DCUN1D4: variants seen among roughly 807,000 people sequenced by gnomAD.
DCUN1D4 encodes defective in cullin neddylation 1 domain containing 4, also known as DCN1-like protein 4.
Under a neutral mutation model 47.9 loss-of-function variants are expected in DCUN1D4, and 22 were observed. The ratio of observed to expected loss-of-function variants is 0.46; its 90% CI spans 0.33 to 0.66. DCUN1D4 has a LOEUF of 0.66. Ranked by LOEUF, DCUN1D4 falls within the 30% of genes least tolerant of loss-of-function variation. DCUN1D4 has a pLI of 0.02. For missense variants in DCUN1D4, 301 were observed against 340.8 expected (o/e 0.88, Z 0.92); for synonymous variants, 121 against 112.2 (o/e 1.08, Z -0.50).
At chr4:51,910,523 T>G (rs1390713713) in intron 8 of DCUN1D4, among the ~76,000 whole-genome samples, 1 of 152,128 alleles carries the variant, frequency 6.6e-6, no homozygotes, top group Non-Finnish European at 1.5e-5. Context: ...ATCCTCTGAT[T>G]TAGAGAGACA....
At chr4:51,847,793 A>ACTGTGCT (rs1338820584) in intron 1 of DCUN1D4, among the ~76,000 whole-genome samples, 1 of 151,948 alleles carries the variant, frequency 6.6e-6, no homozygotes, top group Non-Finnish European at 1.5e-5. Context: ...ATTTTTCTTT[A>ACTGTGCT]CTGTGCTCCC....
At chr4:51,876,066 C>G (rs1727623023) in intron 4 of DCUN1D4, among the ~76,000 whole-genome samples, 1 of 151,978 alleles carries the variant, frequency 6.6e-6, no homozygotes, top group African/African-American at 2.4e-5. Flanking sequence ...TAACCATGTA[C>G]TTTTTTTGGT....
chr4:51,891,250 T>C (rs146220127), intron 6 of DCUN1D4, among the ~76,000 whole-genome samples: 271 of 152,372 alleles, frequency 1.8e-3, no homozygotes, highest in Non-Finnish European at 2.4e-3. Context: ...TCTACTTCAT[T>C]CATCTTAGTG....
intron 1 of DCUN1D4, chr4:51,844,833 A>G (rs1465775143): frequency 6.1e-6 from 6 of 984,992 alleles, no homozygotes; most frequent in Non-Finnish European, 7.2e-6. Context: ...CACGTGGGTA[A>G]CTGTGGAAAC....
In DCUN1D4 at chr4:51,911,071, A is replaced by G. The variant is rs781452001; in HGVS notation, c.617A>G (p.Glu206Gly). Residue 206 changes from glutamate to glycine, a missense_variant and splice_region_variant, in exon 9 of 11, where the codon GAA becomes GGA. By Grantham distance (98) the Glu-to-Gly change is moderately conservative (BLOSUM62 -2). This residue lies in a region of DCUN1D4 where 170 missense variants were observed against 234.5 expected (regional missense o/e 0.73). Coordinates refer to ENST00000334635, the MANE Select transcript of DCUN1D4 (RefSeq NM_001040402.3). ...IYRYAFDFAR[E>G]KDQRSLDINT... ...TCCTTGTTTTTGTTTGTTAAACAGG[A>G]AAAGGACCAGCGCAGCCTAGACATA... 6.2e-7 allele frequency: 1 copy of G among 1,613,230 alleles called. No homozygotes were observed. The highest frequency in any genetic ancestry group is 8.5e-7 in the Non-Finnish European group (1 of 1,179,420).
chr4:51,844,247 C>T (rs1051536856), intron 1 of DCUN1D4: 425 of 841,028 alleles, frequency 5.1e-4, no homozygotes, highest in Admixed American at 6.4e-4. Context: ...AGGGGAGGTA[C>T]TTCCTCTCCC....
chr4:51,889,636 CT>C (rs1237152493), intron 6 of DCUN1D4, among the ~76,000 whole-genome samples: 4 of 151,838 alleles, frequency 2.6e-5, no homozygotes, highest in African/African-American at 9.7e-5. Context: ...ATTTTTAAAT[CT>C]TTTTGGTAGA....
intron 7 of DCUN1D4, among the ~76,000 whole-genome samples, chr4:51,894,627 A>C (rs572678808): frequency 1.3e-5 from 2 of 152,326 alleles, no homozygotes; most frequent in Admixed American, 1.3e-4. Flanking sequence ...CACCTAGTAC[A>C]CAAGAAAACC....
chr4:51,884,245 G>C (rs988240586), intron 5 of DCUN1D4: 1 of 152,128 alleles, frequency 6.6e-6, no homozygotes, highest in African/African-American at 2.4e-5. Flanking sequence ...GAAAAATGAC[G>C]TAAGACTTCC....
At chr4:51,856,875 C>T (rs1473609559) in intron 1 of DCUN1D4, among the ~76,000 whole-genome samples, 3 of 152,338 alleles carry the variant, frequency 2.0e-5, no homozygotes, top group African/African-American at 7.2e-5. Flanking sequence ...GAAGATTCCT[C>T]TTTGGAAGCT....
chr4:51,881,462 T>A (rs931652550), intron 5 of DCUN1D4, among the ~76,000 whole-genome samples: 1 of 152,112 alleles, frequency 6.6e-6, no homozygotes, highest in South Asian at 2.1e-4. Flanking sequence ...CATTTGCCTC[T>A]GTGATGTGGT....
At chr4:51,873,094 G>A (rs1219548714) in intron 3 of DCUN1D4, among the ~76,000 whole-genome samples, 1 of 152,166 alleles carries the variant, frequency 6.6e-6, no homozygotes, top group Admixed American at 6.5e-5. Flanking sequence ...TGAAGAACTG[G>A]AACTCACTCA....
intron 8 of DCUN1D4, among the ~76,000 whole-genome samples, chr4:51,910,283 T>C (rs1042320753): frequency 6.6e-6 from 1 of 152,150 alleles, no homozygotes; most frequent in Non-Finnish European, 1.5e-5. Context: ...AATGAGAAAT[T>C]AGGATCCTTA....
At chr4:51,856,351 G>A (rs997089841) in intron 1 of DCUN1D4, among the ~76,000 whole-genome samples, 14 of 152,142 alleles carry the variant, frequency 9.2e-5, no homozygotes, top group African/African-American at 1.7e-4. Context: ...CCAGAAGAGC[G>A]AATTGTGCTT....
Position 51,847,305 on chromosome 4 carries a change from T to G in DCUN1D4, c.25+4038T>G, listed in dbSNP as rs539873473. 3.9e-5 allele frequency among the ~76,000 whole-genome samples: 6 copies of G among 152,298 alleles called. No homozygotes were observed. In the South Asian group the frequency reaches 1.0e-3, roughly 26 times the overall value. ...AAAACCCTGTCAAGAGAAGAAAAAT[T>G]TATATATAGACTTGTAAGGTACACA... On this transcript the variant is annotated intron_variant, in intron 1 of 10. Coordinates refer to ENST00000334635, the MANE Select transcript of DCUN1D4 (RefSeq NM_001040402.3).
intron 8 of DCUN1D4, chr4:51,905,395 A>G (rs1309961724): frequency 1.2e-5 from 3 of 250,986 alleles, no homozygotes; most frequent in Non-Finnish European, 2.6e-5. Flanking sequence ...TTGCTAGAAG[A>G]AGACGGTGGA....
intron 3 of DCUN1D4, among the ~76,000 whole-genome samples, chr4:51,868,207 C>T (rs1726277282): frequency 6.6e-6 from 1 of 152,192 alleles, no homozygotes; most frequent in Admixed American, 6.5e-5. Flanking sequence ...GCAGGGATGC[C>T]TGGGTCCGCA....
chr4:51,880,857 A>G (rs1211806625), intron 5 of DCUN1D4, among the ~76,000 whole-genome samples: 2 of 152,166 alleles, frequency 1.3e-5, no homozygotes, highest in Non-Finnish European at 2.9e-5. Flanking sequence ...CAGGCTGGGC[A>G]TGGTGACTCA....
intron 1 of DCUN1D4, among the ~76,000 whole-genome samples, chr4:51,844,032 G>A (rs1386753671): frequency 2.7e-5 from 4 of 150,294 alleles, no homozygotes; most frequent in Non-Finnish European, 4.4e-5. Flanking sequence ...GATGGGGCAG[G>A]TGTGGAAGGG....
Sources: allele counts gnomAD v4.1 joint callset (sites outside exome capture counted in the v4.1 genomes callset), GRCh38; gene constraint gnomAD v4.1.1; regional missense constraint gnomAD v4.1.1; transcripts MANE v1.5; gene names NCBI Gene and HGNC (gene_info 2026-07-23, HGNC 2026-07-21).